Variants in ACTL8 observed in about 807,000 individuals in gnomAD.
The protein encoded by ACTL8 is actin like 8.
Under a neutral mutation model 9.3 loss-of-function variants are expected in ACTL8, and 3 were observed. The ratio of observed to expected loss-of-function variants is 0.32; its 90% CI spans 0.15 to 0.83. The LOEUF (loss-of-function observed/expected upper bound fraction) is 0.83. Among genes scored for constraint, ACTL8 ranks in the 40% least tolerant of loss-of-function variants. The probability of loss-of-function intolerance (pLI) is 0.57; values close to 1 mark genes in which losing one functional copy is unlikely to be tolerated. For synonymous variants in ACTL8, 224 were observed against 205.9 expected, an observed-to-expected ratio of 1.09 and a Z score of -0.75; for missense variants, 381 against 492.2, an observed-to-expected ratio of 0.77 and a Z score of 2.14.
intron 1 of ACTL8, among the ~76,000 whole-genome samples, chr1:17,770,005 T>C (rs1005850021): frequency 6.6e-6 from 1 of 152,216 alleles, no homozygotes; most frequent in Non-Finnish European, 1.5e-5. Context: ...CTACATTTAA[T>C]AGGCGTATAA....
intron 1 of ACTL8, 22 bp from the exon 2 acceptor site, chr1:17,822,963 A>AC (rs754209555): frequency 6.5e-7 from 1 of 1,549,774 alleles, no homozygotes. Context: ...TGCACAACTA[A>AC]CCCCATCCTT....
chr1:17,763,670 G>A (rs1056633531), intron 1 of ACTL8, among the ~76,000 whole-genome samples: 1 of 152,220 alleles, frequency 6.6e-6, no homozygotes, highest in South Asian at 2.1e-4. Context: ...CTCTCCATGA[G>A]AGGGTTGCCA....
rs1007643773 is a variant in ACTL8 at position 17,826,333 on chromosome 1, C to T, written c.915C>T (p.Pro305=). ...CCTGCGGGGGCAACACCCTCTATCC[C>T]GGGTTCACAAAGCGCCTGTTCAGGG... The part of the protein sequence containing the change: ...VMACGGNTLY[P]GFTKRLFREL... Residue 305 remains proline (P), a synonymous_variant, in exon 3 of 3, where the codon CCC becomes CCT. Coordinates refer to ENST00000375406, the MANE Select transcript of ACTL8 (RefSeq NM_030812.3). The surrounding 1 kb of genome is among the most constrained non-coding windows in gnomAD (Gnocchi z 4.5). 53 of 1,613,658 alleles carry T rather than the reference C, an allele frequency of 3.3e-5. No individual in the cohort carries two copies. Among genetic ancestry groups the T allele is most frequent in the East Asian group, 1.8e-4 (8 of 44,864 alleles).
intron 1 of ACTL8, among the ~76,000 whole-genome samples, chr1:17,808,007 A>G (rs1352192288): frequency 6.6e-6 from 1 of 152,190 alleles, no homozygotes; most frequent in Non-Finnish European, 1.5e-5. Flanking sequence ...AAAGTATGCC[A>G]TGTTAGCAGC....
rs1174195698 is a variant in ACTL8 at position 17,755,376 on chromosome 1, C to A, written c.-153C>A. On this transcript the variant is annotated 5_prime_UTR_variant, in exon 1 of 3. Coordinates refer to ENST00000375406, the MANE Select transcript of ACTL8 (RefSeq NM_030812.3). ...CCACGTGCAGCCGCTCTCGTGCAGGCGTTTGCAGTGTGCAGCTGAGTTCGG... is the reference window on the plus strand; with the variant it reads ...CCACGTGCAGCCGCTCTCGTGCAGGAGTTTGCAGTGTGCAGCTGAGTTCGG... 1.3e-5 allele frequency: 2 copies of A among 152,200 alleles called. No individual in the cohort carries two copies. Among genetic ancestry groups the A allele is most frequent in the Non-Finnish European group, 2.9e-5 (2 of 68,038 alleles). 9.4% of individuals were successfully genotyped at this position (152,200 alleles called of 1,614,324 possible). A position where few individuals can be genotyped will look rare whatever the true frequency, so the allele number is the denominator to read the frequency against.
chr1:17,768,603 G>A (rs955098376), intron 1 of ACTL8, among the ~76,000 whole-genome samples: 48 of 152,218 alleles, frequency 3.2e-4, no homozygotes, highest in Non-Finnish European at 4.6e-4. Context: ...GCCAGTGAAC[G>A]GGCTGGGCTC....
chr1:17,823,904 C>T lies in ACTL8; in HGVS notation c.348+548C>T, dbSNP rs1049543227. On this transcript the variant is annotated intron_variant, in intron 2 of 2. Transcript: ENST00000375406. This position sits in a 1 kb window ranked among gnomAD's most constrained non-coding sequence, Gnocchi z 5.3. ...GGTGGAAAGGGGGTTACCAGGGAGA[C>T]GTGGAATATTTGCTTATGGATTCCA... Among the ~76,000 whole-genome samples, 15 of 152,118 alleles carry T rather than the reference C, an allele frequency of 9.9e-5. No individual in the cohort carries two copies. The highest frequency in any genetic ancestry group is 2.7e-4 in the African/African-American group (11 of 41,416).
chr1:17,763,877 G>GC (rs1439454076), intron 1 of ACTL8, among the ~76,000 whole-genome samples: 1 of 152,232 alleles, frequency 6.6e-6, no homozygotes, highest in African/African-American at 2.4e-5. Flanking sequence ...AACAGGGGTT[G>GC]CGATGGAGCT....
chr1:17,803,173 G>T (rs565592639), intron 1 of ACTL8, among the ~76,000 whole-genome samples: 2 of 152,212 alleles, frequency 1.3e-5, no homozygotes, highest in African/African-American at 4.8e-5. Flanking sequence ...GTTCTTACAA[G>T]ATCTGATTGT....
At chr1:17,800,488 A>G (rs965369407) in intron 1 of ACTL8, among the ~76,000 whole-genome samples, 9 of 147,462 alleles carry the variant, frequency 6.1e-5, no homozygotes, top group East Asian at 6.0e-4. Context: ...CAGTTATTTT[A>G]CGTGATGTTT....
intron 1 of ACTL8, among the ~76,000 whole-genome samples, chr1:17,814,453 A>G (rs57803252): frequency 0.038 from 5,838 of 152,344 alleles, 129 homozygotes; most frequent in African/African-American, 0.045. Context: ...ACAATACAAT[A>G]CATACCATTA....
chr1:17,795,826 G>T (rs2066273136), intron 1 of ACTL8, among the ~76,000 whole-genome samples: 1 of 152,194 alleles, frequency 6.6e-6, no homozygotes, highest in Non-Finnish European at 1.5e-5. Context: ...TGCAATACAT[G>T]TGCAAGGCGG....
chr1:17,791,975 CATCCTTGGCTTGGG>C (rs1186765194), intron 1 of ACTL8, among the ~76,000 whole-genome samples: 1 of 151,960 alleles, frequency 6.6e-6, no homozygotes, highest in East Asian at 1.9e-4. Context: ...TGACTTGTGG[CATCCTTGGCTTGGG>C]ATCCTGCCCC....
intron 1 of ACTL8, among the ~76,000 whole-genome samples, chr1:17,794,224 T>A (rs4920640): frequency 0.21 from 32,487 of 151,956 alleles, 4,255 homozygotes; most frequent in Admixed American, 0.38. Context: ...GCTGACCTTT[T>A]AGCCCGTGGT....
chr1:17,774,641 C>T (rs2066106662), intron 1 of ACTL8, among the ~76,000 whole-genome samples: 1 of 151,958 alleles, frequency 6.6e-6, no homozygotes, highest in Admixed American at 6.6e-5. Context: ...TAGGCATGTG[C>T]CTGGAGTGTT....
chr1:17,764,952 G>A (rs999677251), intron 1 of ACTL8, among the ~76,000 whole-genome samples: 1 of 152,186 alleles, frequency 6.6e-6, no homozygotes, highest in African/African-American at 2.4e-5. Flanking sequence ...TAGGGGGGCT[G>A]TATAGACACC....
rs532679206 is a variant in ACTL8, at chr1:17,821,430, A to G, written c.-24-1555A>G. ...TATTTCTGTGATCCATTTTAAGTTA[A>G]TTTTTTGTAAGGTGTGAGGTATGGG... On this transcript the variant is annotated intron_variant, in intron 1 of 2. Transcript: ENST00000375406. 1.1e-3 allele frequency among the ~76,000 whole-genome samples: 170 copies of G among 152,160 alleles called. 2 individuals carry two copies. The highest frequency in any genetic ancestry group is 3.4e-3 in the Middle Eastern group (1 of 294).
intron 1 of ACTL8, among the ~76,000 whole-genome samples, chr1:17,759,725 C>T (rs1311301049): frequency 6.6e-6 from 1 of 152,118 alleles, no homozygotes. Context: ...GGAGTAGAAG[C>T]CTCTTCCTTG....
In ACTL8 at chr1:17,826,563, A is replaced by G; in HGVS notation, c.*44A>G. On this transcript the variant is annotated 3_prime_UTR_variant, in exon 3 of 3. Coordinates refer to ENST00000375406, the MANE Select transcript of ACTL8 (RefSeq NM_030812.3). This position sits in a 1 kb window ranked among gnomAD's most constrained non-coding sequence, Gnocchi z 4.5. ...GAGAATGGGCTCCTGTTAGATGGGC[A>G]CGGGCGGATTAATTTTAGCAAAATG... The G allele has an allele frequency of 6.7e-7, 1 of 1,483,198 alleles. No homozygotes were observed. The highest frequency in any genetic ancestry group is 1.5e-5 in the South Asian group (1 of 67,402). The allele number at this position is 1,483,198 out of a possible 1,614,324, so 91.9% of individuals were successfully genotyped here.
Sources: gnomAD v4.1 joint callset for allele counts (sites outside exome capture counted in the v4.1 genomes callset) on GRCh38, gnomAD v4.1.1 for gene constraint, Gnocchi (gnomAD v3.1) non-coding constraint, MANE v1.5 for transcripts, NCBI Gene and HGNC (gene_info 2026-07-23, HGNC 2026-07-21) for gene names.